The following HS6ST1 variants were observed in gnomAD, a reference collection of about 807,000 sequenced individuals.
HS6ST1 encodes heparan sulfate 6-O-sulfotransferase 1.
Under a neutral mutation model 25.2 loss-of-function variants are expected in HS6ST1, and 3 were observed. That is an observed-to-expected ratio of 0.12 (90% CI 0.05 to 0.31). The LOEUF (loss-of-function observed/expected upper bound fraction) is 0.31, where lower values mean the gene tolerates loss of function less well. HS6ST1 is among the 10% of genes least tolerant of loss of function. The pLI, the probability that HS6ST1 is intolerant of heterozygous loss-of-function variation, is 1.00. For synonymous variants in HS6ST1, 204 were observed against 275.1 expected, an observed-to-expected ratio of 0.74 and a Z score of 2.56; for missense variants, 310 against 609.6, an observed-to-expected ratio of 0.51 and a Z score of 5.18.
At chr2:128,315,382 C>G (rs772760040) in intron 1 of HS6ST1, among the ~76,000 whole-genome samples, 14 of 152,170 alleles carry the variant, frequency 9.2e-5, no homozygotes, top group Non-Finnish European at 1.6e-4. Flanking sequence ...TTACGCGCAC[C>G]ACAGGCCCAC....
Position 128,317,272 on chromosome 2 carries a change from A to G in HS6ST1, c.527+765T>C, listed in dbSNP as rs532068391. Among the ~76,000 whole-genome samples, 13 of 152,362 alleles carry G rather than the reference A, an allele frequency of 8.5e-5. No individual in the cohort carries two copies. In the South Asian group the frequency reaches 2.7e-3, roughly 32 times the overall value. ...CTGACATGGGGCTGGGGGACCCCAGAGAAGGGGTGTGGCAGCACAGGTTCC... is the reference window on the plus strand; with the variant it reads ...CTGACATGGGGCTGGGGGACCCCAGGGAAGGGGTGTGGCAGCACAGGTTCC... On this transcript the variant is annotated intron_variant, in intron 1 of 1. Coordinates refer to ENST00000259241, the MANE Select transcript of HS6ST1 (RefSeq NM_004807.3).
intron 1 of HS6ST1, among the ~76,000 whole-genome samples, chr2:128,312,162 G>A (rs571983228): frequency 5.3e-5 from 8 of 152,296 alleles, no homozygotes; most frequent in Non-Finnish European, 1.2e-4. Context: ...AGCGGCAATC[G>A]CCCCCACCTG....
At chr2:128,304,176 C>T (rs1694174051) in intron 1 of HS6ST1, among the ~76,000 whole-genome samples, 1 of 152,230 alleles carries the variant, frequency 6.6e-6, no homozygotes, top group South Asian at 2.1e-4. Context: ...TCCCTAATTG[C>T]ATAAGCCTAT....
chr2:128,295,164 G>C (rs1489599202), intron 1 of HS6ST1, among the ~76,000 whole-genome samples: 1 of 152,236 alleles, frequency 6.6e-6, no homozygotes, highest in Admixed American at 6.5e-5. Context: ...GTGAGATGTT[G>C]CCGGCTGATG....
At chr2:128,295,993 T>C (rs1234019901) in intron 1 of HS6ST1, among the ~76,000 whole-genome samples, 1 of 152,046 alleles carries the variant, frequency 6.6e-6, no homozygotes, top group Non-Finnish European at 1.5e-5. Flanking sequence ...GTCATGAGGG[T>C]GGAGCCATAA....
intron 1 of HS6ST1, among the ~76,000 whole-genome samples, chr2:128,291,566 G>A (rs1382220389): frequency 6.6e-6 from 1 of 152,246 alleles, no homozygotes; most frequent in African/African-American, 2.4e-5. Flanking sequence ...ACCAGGGCCT[G>A]AGGGAGAGCC....
At chr2:128,298,290 C>A (rs1694069794) in intron 1 of HS6ST1, among the ~76,000 whole-genome samples, 1 of 152,234 alleles carries the variant, frequency 6.6e-6, no homozygotes, top group Non-Finnish European at 1.5e-5. Context: ...TACAGAATTA[C>A]CATATGATCT....
chr2:128,280,555 C>A (rs1693769837), intron 1 of HS6ST1, among the ~76,000 whole-genome samples: 2 of 152,346 alleles, frequency 1.3e-5, no homozygotes, highest in South Asian at 4.1e-4. Flanking sequence ...GGCAGCCCCT[C>A]CCCTCTGCCT....
At chr2:128,272,192 C>T (rs534583433) in intron 1 of HS6ST1, among the ~76,000 whole-genome samples, 1 of 152,352 alleles carries the variant, frequency 6.6e-6, no homozygotes, top group Admixed American at 6.5e-5. Flanking sequence ...TACCTGCTGC[C>T]CTCCCGATGT....
At chr2:128,286,345 A>C (rs192057244) in intron 1 of HS6ST1, among the ~76,000 whole-genome samples, 1 of 152,314 alleles carries the variant, frequency 6.6e-6, no homozygotes, top group East Asian at 1.9e-4. Context: ...GAACATAGAC[A>C]CTAAAGACCC....
At chr2:128,303,230 G>A (rs1694159319) in intron 1 of HS6ST1, among the ~76,000 whole-genome samples, 1 of 152,246 alleles carries the variant, frequency 6.6e-6, no homozygotes, top group Non-Finnish European at 1.5e-5. Flanking sequence ...CAGCCAAGAG[G>A]TGCTTTGCAG....
At chr2:128,286,159 T>A (rs1163261470) in intron 1 of HS6ST1, among the ~76,000 whole-genome samples, 15 of 152,348 alleles carry the variant, frequency 9.8e-5, no homozygotes, top group Non-Finnish European at 2.1e-4. Context: ...AGCCCAGGAC[T>A]GGCGTGGGGG....
At chr2:128,316,322 C>T (rs752207031) in intron 1 of HS6ST1, among the ~76,000 whole-genome samples, 16 of 152,246 alleles carry the variant, frequency 1.1e-4, no homozygotes, top group East Asian at 3.8e-4. Flanking sequence ...GAAGCTTCCA[C>T]GCAATCCTCT....
At chr2:128,299,511 C>A (rs1391689031) in intron 1 of HS6ST1, among the ~76,000 whole-genome samples, 1 of 152,228 alleles carries the variant, frequency 6.6e-6, no homozygotes, top group Non-Finnish European at 1.5e-5. Context: ...ACACTCCAGG[C>A]CCAATGAGGA....
chr2:128,290,945 G>T (rs1693942854), intron 1 of HS6ST1, among the ~76,000 whole-genome samples: 1 of 151,564 alleles, frequency 6.6e-6, no homozygotes, highest in African/African-American at 2.4e-5. Context: ...TCGTGTCATA[G>T]CACTCCAGCC....
rs115440186 is a variant in HS6ST1, at chr2:128,310,442, G to A, written c.527+7595C>T. ...GGGAGTTCAGGGCAGAGGCACCGCGGCAGCAGAAGGCCACAAGCTGGTGGG... is the reference window on the plus strand; with the variant it reads ...GGGAGTTCAGGGCAGAGGCACCGCGACAGCAGAAGGCCACAAGCTGGTGGG... On this transcript the variant is annotated intron_variant, in intron 1 of 1. Transcript: ENST00000259241. Among the ~76,000 whole-genome samples, 762 of 152,358 alleles carry A rather than the reference G, an allele frequency of 5.0e-3. 7 individuals carry two copies. The highest frequency in any genetic ancestry group is 0.017 in the African/African-American group (690 of 41,592).
In HS6ST1 at chr2:128,267,684, G is replaced by A. The variant is rs866645720; in HGVS notation, c.*478C>T. 1 of 185,004 alleles carries A rather than the reference G, an allele frequency of 5.4e-6. No homozygotes were observed. Among genetic ancestry groups the A allele is most frequent in the African/African-American group, 2.4e-5 (1 of 42,260 alleles). 11.5% of individuals were successfully genotyped at this position (185,004 alleles called of 1,614,324 possible). A position where few individuals can be genotyped will look rare whatever the true frequency, so the allele number is the denominator to read the frequency against. ...CATTGGGGGCAGCCAGAAGAGGAGG[G>A]GCTATGGGATGGCCTGGAGCTGGGG... On this transcript the variant is annotated 3_prime_UTR_variant, in exon 2 of 2. Coordinates refer to ENST00000259241, the MANE Select transcript of HS6ST1 (RefSeq NM_004807.3).
At chr2:128,278,990 G>A (rs990506640) in intron 1 of HS6ST1, among the ~76,000 whole-genome samples, 16 of 152,166 alleles carry the variant, frequency 1.1e-4, no homozygotes, top group Admixed American at 7.8e-4. Context: ...TATGACCCAA[G>A]AAGAAATGAT....
intron 1 of HS6ST1, among the ~76,000 whole-genome samples, chr2:128,273,315 T>C (rs1193229309): frequency 1.3e-5 from 2 of 152,170 alleles, no homozygotes; most frequent in Admixed American, 6.5e-5. Flanking sequence ...CCTTGTTCTG[T>C]CCCCTAGACA....
Sources: gnomAD v4.1 joint callset for allele counts (sites outside exome capture counted in the v4.1 genomes callset) on GRCh38, gnomAD v4.1.1 for gene constraint, MANE v1.5 for transcripts, NCBI Gene and HGNC (gene_info 2026-07-23, HGNC 2026-07-21) for gene names.